MYBL2: variants seen among roughly 807,000 people sequenced by gnomAD.
MYBL2 encodes the protein MYB proto-oncogene like 2.
A neutral mutation model predicts 79.9 loss-of-function variants in MYBL2; 28 were observed. The observed-to-expected ratio is 0.35, with a 90% CI of 0.26 to 0.48. MYBL2 has a LOEUF of 0.48. Ranked by LOEUF, MYBL2 falls within the 20% of genes least tolerant of loss-of-function variation. The probability of loss-of-function intolerance (pLI) is 0.99; values close to 1 mark genes in which losing one functional copy is unlikely to be tolerated. For missense variants in MYBL2, 735 were observed against 893.9 expected, an observed-to-expected ratio of 0.82 and a Z score of 2.27; for synonymous variants, 378 against 361.2, an observed-to-expected ratio of 1.05 and a Z score of -0.53.
At chr20:43,667,681 A>G (rs973314463) in intron 1 of MYBL2, among the ~76,000 whole-genome samples, 18 of 152,204 alleles carry the variant, frequency 1.2e-4, no homozygotes, top group Admixed American at 7.2e-4. Context: ...CCTGGGAGCG[A>G]GAGGGAGTCT....
chr20:43,715,160 C>T lies in MYBL2; in HGVS notation c.1851C>T (p.Ser617=), dbSNP rs776811832. 1.2e-6 allele frequency: 2 copies of T among 1,614,108 alleles called. No homozygotes were observed. Among genetic ancestry groups the T allele is most frequent in the South Asian group, 1.1e-5 (1 of 91,086 alleles). The change falls in exon 13 of 14, where the codon TCC becomes TCT. Residue 617 remains serine (S), a synonymous_variant. Transcript: ENST00000217026. ...CGACAACTGCCCCTTCAAACTCTTCCAGCCTCACCCTGTCAGGTATCAAAG... is the reference window on the plus strand; with the variant it reads ...CGACAACTGCCCCTTCAAACTCTTCTAGCCTCACCCTGTCAGGTATCAAAG... The part of the protein sequence containing the change: ...SLPTTAPSNS[S]SLTLSGIKED...
chr20:43,672,471 C>CA (rs1396471507), intron 1 of MYBL2, among the ~76,000 whole-genome samples: 1 of 151,724 alleles, frequency 6.6e-6, no homozygotes, highest in Non-Finnish European at 1.5e-5. Context: ...CTTGGCCAGT[C>CA]ACAGTGGCTC....
At chr20:43,715,405 G>A (rs574432543) in intron 13 of MYBL2, 122 bp downstream of exon 13, 6 of 1,482,822 alleles carry the variant, frequency 4.0e-6, no homozygotes, top group African/African-American at 1.4e-5. Context: ...CTTTGCATAG[G>A]CTGTTCCTCT....
intron 3 of MYBL2, 123 bp from the exon 4 acceptor site, chr20:43,682,671 A>T (rs1366290715): frequency 6.1e-6 from 5 of 821,390 alleles, no homozygotes; most frequent in African/African-American, 1.7e-5. Context: ...GGAACAGGAC[A>T]CACCTACCCA....
At position 43,716,248 on chromosome 20, in the gene MYBL2, C is replaced by A. The variant is rs1988031683; in HGVS notation, c.*161C>A. 2 of 1,098,652 alleles carry A rather than the reference C, an allele frequency of 1.8e-6. No homozygotes were observed. The highest frequency in any genetic ancestry group is 1.3e-6 in the Non-Finnish European group (1 of 799,158). 68.1% of individuals were successfully genotyped at this position (1,098,652 alleles called of 1,614,324 possible). A position where few individuals can be genotyped will look rare whatever the true frequency, so the allele number is the denominator to read the frequency against. ...GTGGAGGCAACAGGGCCATGTGCTG[C>A]CCTGTTGCCGAGCCCAGCTGTGGGC... On this transcript the variant is annotated 3_prime_UTR_variant, in exon 14 of 14. Transcript: ENST00000217026.
chr20:43,715,628 C>T (rs1382586215), intron 13 of MYBL2, among the ~76,000 whole-genome samples: 1 of 152,150 alleles, frequency 6.6e-6, no homozygotes, highest in Non-Finnish European at 1.5e-5. Context: ...ACATGTCTGT[C>T]CTCAAGCAGG....
intron 2 of MYBL2, among the ~76,000 whole-genome samples, chr20:43,677,774 C>T (rs1203200727): frequency 6.6e-6 from 1 of 152,184 alleles, no homozygotes; most frequent in Non-Finnish European, 1.5e-5. Flanking sequence ...AGGAGCCCCT[C>T]TGCCCGGCCA....
intron 2 of MYBL2, among the ~76,000 whole-genome samples, chr20:43,678,343 AAAAG>A (rs1208924624): frequency 6.6e-6 from 1 of 150,590 alleles, no homozygotes; most frequent in Non-Finnish European, 1.5e-5. Flanking sequence ...AAAAAAAAAA[AAAAG>A]AAAGGATACA....
chr20:43,679,620 A>T (rs932460254), intron 2 of MYBL2, among the ~76,000 whole-genome samples: 2 of 151,990 alleles, frequency 1.3e-5, no homozygotes, highest in African/African-American at 4.8e-5. Flanking sequence ...AAAACAAAAA[A>T]TACCCACCAA....
chr20:43,682,270 T>G (rs1027631204), intron 3 of MYBL2, among the ~76,000 whole-genome samples: 1 of 152,112 alleles, frequency 6.6e-6, no homozygotes, highest in African/African-American at 2.4e-5. Flanking sequence ...ATTTAGAGCC[T>G]CCTGATGGTG....
rs1438994955 is a variant in MYBL2 at position 43,692,189 on chromosome 20, C to G, written c.533C>G (p.Ser178Cys). The change falls in exon 6 of 14, where the codon TCT becomes TGT. Residue 178 changes from serine (S) to cysteine (C), a missense_variant. This residue lies in a region of MYBL2 where 65 missense variants were observed against 145.2 expected (regional missense o/e 0.45). Transcript: ENST00000217026. ...TDNAVKNHWN[S>C]TIKRKVDTGG... ...AATGCTGTGAAGAATCACTGGAACT[C>G]TACCATCAAAAGGAAGGTGGACACA... is the stretch of plus-strand genomic sequence containing the variant. The G allele has an allele frequency of 6.2e-7, 1 of 1,614,040 alleles. No individual in the cohort carries two copies. The highest frequency in any genetic ancestry group is 8.5e-7 in the Non-Finnish European group (1 of 1,180,048).
At chr20:43,714,804 T>C (rs1987990200) in intron 12 of MYBL2, among the ~76,000 whole-genome samples, 1 of 152,142 alleles carries the variant, frequency 6.6e-6, no homozygotes, top group African/African-American at 2.4e-5. Context: ...CTAATTTTTG[T>C]GTTTTTAGTA....
intron 2 of MYBL2, among the ~76,000 whole-genome samples, chr20:43,678,331 G>GAAAA (rs11470203): frequency 7.0e-6 from 1 of 142,900 alleles, no homozygotes; most frequent in African/African-American, 2.7e-5. Flanking sequence ...AAGAAAGAAA[G>GAAAA]AAAAAAAAAA....
In MYBL2 at chr20:43,699,895, G is replaced by C. The variant is rs986751137; in HGVS notation, c.802G>C (p.Glu268Gln). The change falls in exon 7 of 14, where the codon GAG becomes CAG. Residue 268 changes from glutamate (E) to glutamine (Q), a missense_variant. By Grantham distance (29) the Glu-to-Gln change is conservative (BLOSUM62 2). Coordinates refer to ENST00000217026, the MANE Select transcript of MYBL2 (RefSeq NM_002466.4). ...AGATCTGGACGCAGTGCGAACACCA[G>C]AGCCCTTGGAGGAATTCCCGAAGCG... ...GTDLDAVRTPEPLEEFPKRED... is the reference protein window; with the variant it reads ...GTDLDAVRTPQPLEEFPKRED... The C allele has an allele frequency of 1.4e-5, 23 of 1,613,970 alleles. No homozygotes were observed. Among genetic ancestry groups the C allele is most frequent in the African/African-American group, 2.7e-5 (2 of 74,910 alleles).
chr20:43,701,082 C>T (rs554916942), intron 7 of MYBL2, among the ~76,000 whole-genome samples: 13 of 152,248 alleles, frequency 8.5e-5, no homozygotes, highest in Admixed American at 3.3e-4. Flanking sequence ...GAGCACCCCA[C>T]GCTCAGAGAG....
chr20:43,689,520 G>A (rs908552317), intron 5 of MYBL2, among the ~76,000 whole-genome samples: 21 of 151,974 alleles, frequency 1.4e-4, no homozygotes, highest in African/African-American at 3.6e-4. Flanking sequence ...CTCCTCTGTC[G>A]GCCTGCAGTG....
chr20:43,703,020 G>T, intron 8 of MYBL2, 117 bp downstream of exon 8: 1 of 1,172,926 alleles, frequency 8.5e-7, no homozygotes, highest in East Asian at 2.5e-5. Flanking sequence ...TTATGCTCTG[G>T]TAGGAAGACC....
At chr20:43,705,497 C>T (rs1477015492) in intron 9 of MYBL2, 139 bp downstream of exon 9, 2 of 990,778 alleles carry the variant, frequency 2.0e-6, no homozygotes, top group Non-Finnish European at 2.7e-6. Context: ...AAAGCCCTCT[C>T]CTTTCTGGCC....
rs1450471241 is a variant in MYBL2, at chr20:43,702,675, A to T, written c.1137A>T (p.Ser379=). 3.0e-5 allele frequency: 48 copies of T among 1,614,016 alleles called. No homozygotes were observed. The highest frequency in any genetic ancestry group is 4.1e-5 in the Non-Finnish European group (48 of 1,179,946). ...TEYRLDGHTI[S]DLSRSSRGEL... is the part of the protein sequence containing the mutation. ...ACCGCCTGGATGGCCACACCATCTC[A>T]GACCTGAGCCGGAGCAGCCGGGGCG... The change falls in exon 8 of 14, where the codon TCA becomes TCT. Residue 379 remains serine, a synonymous_variant. Coordinates refer to ENST00000217026, the MANE Select transcript of MYBL2 (RefSeq NM_002466.4).
Sources: allele counts gnomAD v4.1 joint callset (sites outside exome capture counted in the v4.1 genomes callset), GRCh38; gene constraint gnomAD v4.1.1; regional missense constraint gnomAD v4.1.1; transcripts MANE v1.5; gene names NCBI Gene and HGNC (gene_info 2026-07-23, HGNC 2026-07-21).